ADCK5: variants seen among roughly 807,000 people sequenced by gnomAD.
The protein encoded by ADCK5 is uncharacterized aarF domain-containing protein kinase 5.
A neutral mutation model predicts 64.9 loss-of-function variants in ADCK5; 43 were observed. The ratio of observed to expected loss-of-function variants is 0.66; its 90% CI spans 0.52 to 0.85. ADCK5 has a LOEUF of 0.85. ADCK5 is among the 40% of genes least tolerant of loss of function. The pLI, the probability that ADCK5 is intolerant of heterozygous loss-of-function variation, is 0.00. For synonymous variants in ADCK5, 434 were observed against 342.8 expected, an observed-to-expected ratio of 1.27 and a Z score of -2.94; for missense variants, 760 against 810.5, an observed-to-expected ratio of 0.94 and a Z score of 0.76.
chr8:144,384,032 C>T lies in ADCK5; in HGVS notation c.266+802C>T, dbSNP rs1415460836. Among the ~76,000 whole-genome samples the T allele has an allele frequency of 6.6e-6, 1 of 151,940 alleles. No individual in the cohort carries two copies. Among genetic ancestry groups the T allele is most frequent in the Non-Finnish European group, 1.5e-5 (1 of 68,004 alleles). ...TCAGCCTCCTGAGTAGCCGGGACTA[C>T]AGGTGCCCACCACCATGCCTGGCTA... On this transcript the variant is annotated intron_variant, in intron 3 of 14. Coordinates refer to ENST00000308860, the MANE Select transcript of ADCK5 (RefSeq NM_174922.5). This position sits in a 1 kb window ranked among gnomAD's most constrained non-coding sequence, Gnocchi z 5.7.
intron 2 of ADCK5, among the ~76,000 whole-genome samples, chr8:144,379,815 G>A (rs539289716): frequency 6.6e-6 from 1 of 152,298 alleles, no homozygotes; most frequent in South Asian, 2.1e-4. Context: ...GACTATAGGT[G>A]GGAGTCACAC....
rs575729936 is a variant in ADCK5, at chr8:144,387,130, G to A, written c.267-3541G>A. ...GGTGCACAGTTGCCCATGTGCTCATGCGTGGCCAGAGTGCCTAAAATAATT... is the reference window on the plus strand; with the variant it reads ...GGTGCACAGTTGCCCATGTGCTCATACGTGGCCAGAGTGCCTAAAATAATT... On this transcript the variant is annotated intron_variant, in intron 3 of 14. Coordinates refer to ENST00000308860, the MANE Select transcript of ADCK5 (RefSeq NM_174922.5). 8.1e-4 allele frequency among the ~76,000 whole-genome samples: 124 copies of A among 152,330 alleles called. 1 individual carries two copies. The highest frequency in any genetic ancestry group is 2.4e-3 in the Admixed American group (36 of 15,298).
At position 144,384,945 on chromosome 8, in the gene ADCK5, GGC is replaced by G. The variant is rs782169710; in HGVS notation, c.266+1716_266+1717del. 1.2e-4 allele frequency among the ~76,000 whole-genome samples: 18 copies of G among 152,288 alleles called. No homozygotes were observed. Among genetic ancestry groups the G allele is most frequent in the Non-Finnish European group, 2.4e-4 (16 of 68,028 alleles). ...ACAAGCAGGCCTGTGGAGCTTCCCT[GGC>G]AGGGCACAGGGTAGCCTGGGAACAC... is the stretch of plus-strand genomic sequence containing the variant. On this transcript the variant is annotated intron_variant, in intron 3 of 14. Transcript: ENST00000308860. The surrounding 1 kb of genome is among the most constrained non-coding windows in gnomAD (Gnocchi z 5.7).
intron 3 of ADCK5, among the ~76,000 whole-genome samples, chr8:144,388,564 A>G (rs1206942504): frequency 6.6e-6 from 1 of 151,986 alleles, no homozygotes; most frequent in Non-Finnish European, 1.5e-5. Flanking sequence ...GGAGATCGAG[A>G]CCATCCTGGC....
At chr8:144,388,608 C>CA (rs1202504233) in intron 3 of ADCK5, among the ~76,000 whole-genome samples, 2 of 151,216 alleles carry the variant, frequency 1.3e-5, no homozygotes, top group Admixed American at 6.6e-5. Context: ...ACTAAAAATA[C>CA]AAAAAAATTA....
At chr8:144,377,932 A>T (rs1819436217) in intron 1 of ADCK5, among the ~76,000 whole-genome samples, 1 of 152,214 alleles carries the variant, frequency 6.6e-6, no homozygotes. Flanking sequence ...AGGAAATAGT[A>T]AAATAGTAAA....
intron 2 of ADCK5, among the ~76,000 whole-genome samples, chr8:144,380,985 A>C (rs1819592675): frequency 1.3e-5 from 2 of 150,492 alleles, no homozygotes; most frequent in African/African-American, 4.9e-5. Context: ...ACTCAGGATT[A>C]TGGGCTGGGT....
intron 9 of ADCK5, 37 bp from the exon 10 acceptor site, chr8:144,391,904 G>C: frequency 6.2e-7 from 1 of 1,610,388 alleles, no homozygotes; most frequent in African/African-American, 1.3e-5. Flanking sequence ...AGGGCGGGCT[G>C]GTGCTGTGTC....
chr8:144,390,687 C>T lies in ADCK5; in HGVS notation c.283C>T (p.Leu95=). 1 of 1,613,756 alleles carries T rather than the reference C, an allele frequency of 6.2e-7. No homozygotes were observed. The highest frequency in any genetic ancestry group is 8.5e-7 in the Non-Finnish European group (1 of 1,179,992). Residue 95 remains leucine (L), a synonymous_variant, in exon 4 of 15, where the codon CTG becomes TTG. Transcript: ENST00000308860. ...TGCCCGCAGGTCTCTGAAGGTCGGC[C>T]TGCAGATCTCCCTGGACTACTGGTG... ...GRFGRSLKVG[L]QISLDYWWCT...
chr8:144,382,627 G>C lies in ADCK5; in HGVS notation c.117-454G>C, dbSNP rs116624718. Reference sequence around the variant, plus strand: ...TGGGGCAAGCTCTGTTTCTTGCTCTGTACTGTCATGCGACTCAGCACGTGC... The same window carrying C: ...TGGGGCAAGCTCTGTTTCTTGCTCTCTACTGTCATGCGACTCAGCACGTGC... On this transcript the variant is annotated intron_variant, in intron 2 of 14. Coordinates refer to ENST00000308860, the MANE Select transcript of ADCK5 (RefSeq NM_174922.5). Among the ~76,000 whole-genome samples the C allele has an allele frequency of 7.9e-3, 1,199 of 152,306 alleles. 15 individuals are homozygous for C. Among genetic ancestry groups the C allele is most frequent in the African/African-American group, 0.028 (1,145 of 41,534 alleles).
chr8:144,389,062 G>C (rs542398451), intron 3 of ADCK5, among the ~76,000 whole-genome samples: 1 of 152,286 alleles, frequency 6.6e-6, no homozygotes, highest in South Asian at 2.1e-4. Context: ...GCTGCCTGGC[G>C]CCTCATTCCA....
intron 1 of ADCK5, among the ~76,000 whole-genome samples, 184 bp downstream of exon 1, chr8:144,374,291 C>G (rs1819275952): frequency 6.6e-6 from 1 of 152,194 alleles, no homozygotes; most frequent in Non-Finnish European, 1.5e-5. Flanking sequence ...CCGCAGCTTC[C>G]GCCTCCCGGA....
intron 3 of ADCK5, among the ~76,000 whole-genome samples, chr8:144,388,922 A>C (rs1554859817): frequency 6.6e-6 from 1 of 152,184 alleles, no homozygotes; most frequent in East Asian, 1.9e-4. Context: ...TTCAGGAATG[A>C]CTGTGGGCCC....
At position 144,391,718 on chromosome 8, in the gene ADCK5, T is replaced by TGGGCCAGGCCCTTGGGGTGGGCA. The variant is rs1554860720; in HGVS notation, c.930+8_930+30dup. 1.6e-5 allele frequency: 24 copies of TGGGCCAGGCCCTTGGGGTGGGCA among 1,538,848 alleles called. No homozygotes were observed. ...CTGGGACAAGTCCAGCAAGGTGGGC[T>TGGGCCAGGCCCTTGGGGTGGGCA]GGGCCAGGCCCTTGGGGTGGGCACA... On this transcript the variant is annotated splice_region_variant and intron_variant, in intron 8 of 14. Transcript: ENST00000308860.
At chr8:144,391,901 G>A in intron 9 of ADCK5, 35 bp downstream of exon 9, 1 of 1,498,408 alleles carries the variant, frequency 6.7e-7, no homozygotes, top group Non-Finnish European at 9.3e-7. Flanking sequence ...GTCAGGGCGG[G>A]CTGGTGCTGT....
At position 144,391,623 on chromosome 8, in the gene ADCK5, A is replaced by G; in HGVS notation, c.842A>G (p.Glu281Gly). 2 of 1,566,072 alleles carry G rather than the reference A, an allele frequency of 1.3e-6. No individual in the cohort carries two copies. The highest frequency in any genetic ancestry group is 1.7e-6 in the Non-Finnish European group (2 of 1,160,586). The part of the protein sequence containing the change: ...TLAQELDFEN[E>G]GRNAERCARE... ...GCCCAGGAGCTGGACTTCGAGAATG[A>G]GGGCCGCAACGCAGAGCGCTGTGCG... Residue 281 changes from glutamate (E) to glycine (G), a missense_variant, in exon 8 of 15, where the codon GAG becomes GGG. By Grantham distance (98) the Glu-to-Gly change is moderately conservative. Coordinates refer to ENST00000308860, the MANE Select transcript of ADCK5 (RefSeq NM_174922.5).
At position 144,391,023 on chromosome 8, in the gene ADCK5, A is replaced by G; in HGVS notation, c.510A>G (p.Leu170=). ...PPEYTRTLRV[L]EDRALKRGFQ... ...AGTATACCCGGACCCTGCGCGTGCT[A>G]GAGGACAGGGCCCTCAAGCGGGGCT... Residue 170 remains leucine, a synonymous_variant, in exon 5 of 15, where the codon CTA becomes CTG. Coordinates refer to ENST00000308860, the MANE Select transcript of ADCK5 (RefSeq NM_174922.5). 6 of 1,612,882 alleles carry G rather than the reference A, an allele frequency of 3.7e-6. No homozygotes were observed. The highest frequency in any genetic ancestry group is 5.1e-6 in the Non-Finnish European group (6 of 1,179,988).
upstream of ADCK5, chr8:144,373,135 T>C (rs1819215257): frequency 6.6e-6 from 1 of 152,532 alleles, no homozygotes; most frequent in South Asian, 2.0e-4. Flanking sequence ...TCAGGAGCCC[T>C]CGTGGATTCC....
intron 1 of ADCK5, among the ~76,000 whole-genome samples, chr8:144,377,695 C>T (rs1819423511): frequency 6.6e-6 from 1 of 152,204 alleles, no homozygotes. Context: ...ATGTCCTCTT[C>T]TCCTCCAAGT....
Sources: allele counts gnomAD v4.1 joint callset (sites outside exome capture counted in the v4.1 genomes callset), GRCh38; gene constraint gnomAD v4.1.1; non-coding constraint Gnocchi (gnomAD v3.1); transcripts MANE v1.5; gene names NCBI Gene and HGNC (gene_info 2026-07-23, HGNC 2026-07-21).